The following AFG1L variants were observed in gnomAD, a reference collection of about 807,000 sequenced individuals.
AFG1L encodes AFG1 like ATPase, also known as AFG1-like ATPase.
AFG1L carries 53 observed loss-of-function variants against 62.2 expected under a neutral mutation model. The ratio of observed to expected loss-of-function variants is 0.85; its 90% CI spans 0.68 to 1.07. The LOEUF is 1.07. Ranked by LOEUF, AFG1L falls within the 50% of genes least tolerant of loss-of-function variation. The probability of loss-of-function intolerance (pLI) is 0.00; values close to 1 mark genes in which losing one functional copy is unlikely to be tolerated. For missense variants in AFG1L, 555 were observed against 590.5 expected (o/e 0.94, Z 0.62); for synonymous variants, 228 against 210.3 (o/e 1.08, Z -0.73).
intron 8 of AFG1L, among the ~76,000 whole-genome samples, chr6:108,462,156 C>T (rs1280055848): frequency 2.0e-5 from 3 of 151,890 alleles, no homozygotes; most frequent in Non-Finnish European, 4.4e-5. Flanking sequence ...AATTCCAGCA[C>T]TTTGAGAGGC....
At chr6:108,361,159 C>T (rs756521297) in intron 5 of AFG1L, among the ~76,000 whole-genome samples, 3 of 152,252 alleles carry the variant, frequency 2.0e-5, no homozygotes, top group Non-Finnish European at 4.4e-5. Context: ...CTTGTTTATA[C>T]TGGCATATGC....
rs1321205548 is a variant in AFG1L, at chr6:108,344,680, C to T, written c.364-2308C>T. ...GTTCTCTGCCAAATTATTGACCACT[C>T]CGGTTGATGCTAAGTGGCATAATCT... is the stretch of plus-strand genomic sequence containing the variant. On this transcript the variant is annotated intron_variant, in intron 2 of 12. Transcript: ENST00000368977. 8.5e-6 allele frequency: 4 copies of T among 469,540 alleles called. No individual in the cohort carries two copies. In the East Asian group the frequency reaches 2.1e-4, roughly 24 times the overall value. 29.1% of individuals were successfully genotyped at this position (469,540 alleles called of 1,614,324 possible). A position where few individuals can be genotyped will look rare whatever the true frequency, so the allele number is the denominator to read the frequency against.
At chr6:108,489,548 T>C (rs569087055) in intron 10 of AFG1L, among the ~76,000 whole-genome samples, 118 of 152,254 alleles carry the variant, frequency 7.8e-4, no homozygotes, top group African/African-American at 2.5e-3. Context: ...CTCATCAGGG[T>C]ACATGGCTGG....
chr6:108,422,951 GC>G (rs1770668031), intron 7 of AFG1L, among the ~76,000 whole-genome samples: 1 of 151,966 alleles, frequency 6.6e-6, no homozygotes, highest in African/African-American at 2.4e-5. Flanking sequence ...GAATAAAGTA[GC>G]CTTTTATACT....
At position 108,323,922 on chromosome 6, in the gene AFG1L, T is replaced by C. The variant is rs1166554029; in HGVS notation, c.237T>C (p.Tyr79=). ...TTTGCCATGGACCTCTGGACCACTA[T>C]GATTTTCTGATCAAAGCTCATGAGC... is the stretch of plus-strand genomic sequence containing the variant. The part of the protein sequence containing the change: ...LAVCHGPLDH[Y]DFLIKAHELK... Residue 79 remains tyrosine, a synonymous_variant, in exon 2 of 13, where the codon TAT becomes TAC. Coordinates refer to ENST00000368977, the MANE Select transcript of AFG1L (RefSeq NM_145315.5). 6 of 1,614,192 alleles carry C rather than the reference T, an allele frequency of 3.7e-6. No homozygotes were observed. The highest frequency in any genetic ancestry group is 1.1e-5 in the South Asian group (1 of 91,074).
intron 2 of AFG1L, among the ~76,000 whole-genome samples, chr6:108,344,593 A>C (rs1000730901): frequency 2.0e-5 from 3 of 152,122 alleles, no homozygotes; most frequent in African/African-American, 7.2e-5. Context: ...CTCTAAAATA[A>C]ATAAAATAAG....
chr6:108,330,000 G>A (rs188316131), intron 2 of AFG1L, among the ~76,000 whole-genome samples: 3 of 152,004 alleles, frequency 2.0e-5, no homozygotes, highest in African/African-American at 4.8e-5. Flanking sequence ...AAGTGGGACC[G>A]GTGGCTTTAT....
intron 7 of AFG1L, among the ~76,000 whole-genome samples, chr6:108,424,829 G>C (rs142400373): frequency 1.3e-5 from 2 of 152,106 alleles, no homozygotes; most frequent in Non-Finnish European, 2.9e-5. Flanking sequence ...AAGGACTCCT[G>C]TATGTGTTTA....
chr6:108,518,656 A>T (rs1042248492), intron 11 of AFG1L, among the ~76,000 whole-genome samples: 1 of 152,234 alleles, frequency 6.6e-6, no homozygotes, highest in South Asian at 2.1e-4. Context: ...ATAATAATAA[A>T]AAAAAGAATA....
At position 108,356,718 on chromosome 6, in the gene AFG1L, A is replaced by G. The variant is rs1216029215; in HGVS notation, c.546A>G (p.Pro182=). The G allele has an allele frequency of 4.3e-6, 7 of 1,611,440 alleles. No homozygotes were observed. In the East Asian group the frequency reaches 8.9e-5, roughly 21 times the overall value. The part of the protein sequence containing the change: ...KRIHRLKQSL[P]KRKPGFMAKS... Reference sequence around the variant, plus strand: ...TACATCGCCTTAAACAGAGTTTGCCAAAAAGGAAACCAGGATTCATGGCTA... The same window carrying G: ...TACATCGCCTTAAACAGAGTTTGCCGAAAAGGAAACCAGGATTCATGGCTA... The change falls in exon 5 of 13, where the codon CCA becomes CCG. Residue 182 remains proline, a synonymous_variant. Transcript: ENST00000368977.
intron 3 of AFG1L, among the ~76,000 whole-genome samples, chr6:108,352,690 G>T (rs149733698): frequency 1.5e-3 from 235 of 151,998 alleles, no homozygotes; most frequent in African/African-American, 4.7e-3. Flanking sequence ...TCAGCTTTTC[G>T]AGTAGCTGGG....
chr6:108,392,635 AATTGTT>A (rs1781107817), intron 6 of AFG1L, among the ~76,000 whole-genome samples: 1 of 152,146 alleles, frequency 6.6e-6, no homozygotes, highest in South Asian at 2.1e-4. Flanking sequence ...AGATTTAGTA[AATTGTT>A]GTTTGAACTT....
chr6:108,312,025 C>T (rs571254645), intron 1 of AFG1L, among the ~76,000 whole-genome samples: 100 of 152,142 alleles, frequency 6.6e-4, no homozygotes, highest in African/African-American at 2.3e-3. Flanking sequence ...CCATCATGCC[C>T]GACTAATTTT....
intron 7 of AFG1L, among the ~76,000 whole-genome samples, chr6:108,429,862 G>T (rs1371487089): frequency 6.6e-6 from 1 of 151,470 alleles, no homozygotes; most frequent in Non-Finnish European, 1.5e-5. Context: ...AGTTTTTTTT[G>T]AGCAGTATGG....
chr6:108,481,178 G>A (rs186247182), intron 10 of AFG1L, among the ~76,000 whole-genome samples: 57 of 152,322 alleles, frequency 3.7e-4, no homozygotes, highest in African/African-American at 1.3e-3. Context: ...GTGGGAGGGT[G>A]GAGGAGAATA....
At chr6:108,398,548 A>G (rs2114617890) in intron 6 of AFG1L, among the ~76,000 whole-genome samples, 1 of 152,272 alleles carries the variant, frequency 6.6e-6, no homozygotes, top group East Asian at 1.9e-4. Context: ...TGTCCTGGAG[A>G]GTTTCCCCAA....
intron 7 of AFG1L, among the ~76,000 whole-genome samples, chr6:108,412,747 A>G (rs980810724): frequency 6.6e-6 from 1 of 152,194 alleles, no homozygotes; most frequent in Non-Finnish European, 1.5e-5. Context: ...GCCTGCCCTA[A>G]AAGAGCTCCT....
chr6:108,323,860 A>T lies in AFG1L; in HGVS notation c.175A>T (p.Thr59Ser). ...TCAGACATCCGAGAGCATGACCCCA[A>T]CTGCCACTTCAGAGACTTATTTGAA... is the stretch of plus-strand genomic sequence containing the variant. ...TVQTSESMTPTATSETYLKAL... is the reference protein window; with the variant it reads ...TVQTSESMTPSATSETYLKAL... The change falls in exon 2 of 13, where the codon ACT becomes TCT. Residue 59 changes from threonine to serine, a missense_variant. Coordinates refer to ENST00000368977, the MANE Select transcript of AFG1L (RefSeq NM_145315.5). The T allele has an allele frequency of 6.2e-7, 1 of 1,614,134 alleles. No individual in the cohort carries two copies. The highest frequency in any genetic ancestry group is 8.5e-7 in the Non-Finnish European group (1 of 1,180,000).
chr6:108,337,107 G>C (rs1778502624), intron 2 of AFG1L, among the ~76,000 whole-genome samples: 2 of 152,174 alleles, frequency 1.3e-5, no homozygotes, highest in African/African-American at 4.8e-5. Flanking sequence ...TGATCCTCCT[G>C]CCTCGGCCTC....
Sources: allele counts gnomAD v4.1 joint callset (sites outside exome capture counted in the v4.1 genomes callset), GRCh38; gene constraint gnomAD v4.1.1; transcripts MANE v1.5; gene names NCBI Gene and HGNC (gene_info 2026-07-23, HGNC 2026-07-21).